The following TBCEL variants were observed in gnomAD, a reference collection of about 807,000 sequenced individuals.
TBCEL encodes the protein tubulin folding cofactor E like, also known as tubulin-specific chaperone cofactor E-like protein.
A neutral mutation model predicts 44.2 loss-of-function variants in TBCEL; 15 were observed. That is an observed-to-expected ratio of 0.34 (90% CI 0.23 to 0.52). The LOEUF (loss-of-function observed/expected upper bound fraction) is 0.52. Ranked by LOEUF, TBCEL falls within the 20% of genes least tolerant of loss-of-function variation. TBCEL has a pLI of 0.95. For missense variants in TBCEL, 319 were observed against 506.3 expected (o/e 0.63, Z 3.55); for synonymous variants, 171 against 185.4 (o/e 0.92, Z 0.63).
At chr11:121,069,384 C>A (rs928896245) in intron 8 of TBCEL, among the ~76,000 whole-genome samples, 1 of 151,920 alleles carries the variant, frequency 6.6e-6, no homozygotes, top group Non-Finnish European at 1.5e-5. Flanking sequence ...AATCTGGTGA[C>A]GATGAGGGAA....
intron 1 of TBCEL, among the ~76,000 whole-genome samples, chr11:121,026,121 A>G (rs1265245631): frequency 6.6e-6 from 1 of 152,192 alleles, no homozygotes; most frequent in Non-Finnish European, 1.5e-5. Context: ...ATGATGAAAA[A>G]TATATGAAAA....
At chr11:121,084,477 AT>A (rs1162901527) in intron 8 of TBCEL, among the ~76,000 whole-genome samples, 1 of 151,886 alleles carries the variant, frequency 6.6e-6, no homozygotes, top group Non-Finnish European at 1.5e-5. Context: ...TCTTTTACTT[AT>A]TATGTGTTCC....
chr11:121,035,000 CATTA>C (rs1565491527), intron 1 of TBCEL, among the ~76,000 whole-genome samples: 1 of 152,134 alleles, frequency 6.6e-6, no homozygotes, highest in African/African-American at 2.4e-5. Context: ...TGTGCCAAAT[CATTA>C]ATTGGCATTA....
At chr11:121,066,952 A>G (rs1945832597) in intron 8 of TBCEL, among the ~76,000 whole-genome samples, 1 of 152,304 alleles carries the variant, frequency 6.6e-6, no homozygotes, top group Admixed American at 6.5e-5. Flanking sequence ...AAATTTTTTT[A>G]AAAATCAGTG....
intron 3 of TBCEL, among the ~76,000 whole-genome samples, chr11:121,046,328 T>C (rs1945429290): frequency 6.6e-6 from 1 of 152,146 alleles, no homozygotes; most frequent in Non-Finnish European, 1.5e-5. Context: ...AGAGATGAGA[T>C]ACATTCTAGG....
intron 8 of TBCEL, among the ~76,000 whole-genome samples, chr11:121,065,971 T>C (rs1255474470): frequency 6.6e-6 from 1 of 152,236 alleles, no homozygotes; most frequent in Non-Finnish European, 1.5e-5. Context: ...AATCCACTCC[T>C]TGGTACCAGT....
intron 8 of TBCEL, among the ~76,000 whole-genome samples, chr11:121,062,041 A>G (rs180846693): frequency 2.8e-4 from 42 of 151,948 alleles, no homozygotes; most frequent in African/African-American, 9.7e-4. Flanking sequence ...TCTTTATTCT[A>G]TAAGCATTAT....
chr11:121,045,852 T>A, intron 3 of TBCEL, 29 bp downstream of exon 3: 1 of 1,531,198 alleles, frequency 6.5e-7, no homozygotes, highest in Non-Finnish European at 8.7e-7. Context: ...AAAACACTTA[T>A]TTAGTGGAGC....
At chr11:121,044,169 A>C (rs1945385886) in intron 2 of TBCEL, among the ~76,000 whole-genome samples, 1 of 152,086 alleles carries the variant, frequency 6.6e-6, no homozygotes, top group African/African-American at 2.4e-5. Flanking sequence ...AATCACTTCA[A>C]GCTCTCACGA....
At chr11:121,053,033 A>G (rs1353434082) in intron 4 of TBCEL, among the ~76,000 whole-genome samples, 2 of 151,516 alleles carry the variant, frequency 1.3e-5, no homozygotes, top group African/African-American at 4.8e-5. Flanking sequence ...AAAGTTTGGT[A>G]CATCTTTGAA....
intron 8 of TBCEL, among the ~76,000 whole-genome samples, chr11:121,072,583 T>C (rs1478249471): frequency 2.6e-5 from 4 of 152,190 alleles, no homozygotes; most frequent in African/African-American, 9.6e-5. Context: ...TTTTTCATAT[T>C]TTATATCTCC....
intron 4 of TBCEL, among the ~76,000 whole-genome samples, chr11:121,053,347 C>T (rs7101954): frequency 4.6e-5 from 7 of 151,884 alleles, no homozygotes; most frequent in Non-Finnish European, 1.0e-4. Context: ...AGTTATGCCA[C>T]TATTTCATTG....
At chr11:121,046,844 A>G (rs1019938283) in intron 3 of TBCEL, among the ~76,000 whole-genome samples, 21 of 152,098 alleles carry the variant, frequency 1.4e-4, no homozygotes, top group Admixed American at 7.9e-4. Flanking sequence ...ACCAAATTCA[A>G]TGTTAATAGT....
chr11:121,039,390 A>G (rs912881479), intron 2 of TBCEL, among the ~76,000 whole-genome samples: 2 of 152,160 alleles, frequency 1.3e-5, no homozygotes, highest in Non-Finnish European at 2.9e-5. Flanking sequence ...CTTATTTTAG[A>G]TATGTGTTAT....
chr11:121,079,529 C>T (rs1043844822), intron 8 of TBCEL, among the ~76,000 whole-genome samples: 2 of 152,290 alleles, frequency 1.3e-5, no homozygotes, highest in African/African-American at 2.4e-5. Flanking sequence ...AACTGGGTCT[C>T]AATTTTTACA....
intron 6 of TBCEL, chr11:121,057,694 C>T (rs1945646745): frequency 1.6e-5 from 7 of 442,070 alleles, no homozygotes; most frequent in South Asian, 9.9e-5. Context: ...CAATTATTTA[C>T]ATTGTATTAG....
intron 8 of TBCEL, among the ~76,000 whole-genome samples, chr11:121,082,382 G>A (rs559565489): frequency 6.6e-6 from 1 of 152,314 alleles, no homozygotes; most frequent in South Asian, 2.1e-4. Flanking sequence ...ACCAGCAATG[G>A]TGTGTCAGGT....
rs767845127 is a variant in TBCEL at position 121,055,324 on chromosome 11, G to T, written c.712+16G>T. ...CACAAGTCAGGTGAGGTTCAGGCTT[G>T]TTCTTATTCTACATGCAAATTAACC... On this transcript the variant is annotated intron_variant, in intron 6 of 8. Transcript: ENST00000683345. 6.4e-7 allele frequency: 1 copy of T among 1,567,716 alleles called. No individual in the cohort carries two copies. Among genetic ancestry groups the T allele is most frequent in the Non-Finnish European group, 8.7e-7 (1 of 1,153,214 alleles).
intron 4 of TBCEL, among the ~76,000 whole-genome samples, chr11:121,050,135 A>G (rs374220070): frequency 2.5e-3 from 379 of 151,808 alleles, no homozygotes; most frequent in African/African-American, 3.6e-3. Flanking sequence ...TAGAAAAGGG[A>G]GAAATATGAC....
Sources: allele counts gnomAD v4.1 joint callset (sites outside exome capture counted in the v4.1 genomes callset), GRCh38; gene constraint gnomAD v4.1.1; transcripts MANE v1.5; gene names NCBI Gene and HGNC (gene_info 2026-07-23, HGNC 2026-07-21).